PRMT8: variants seen among roughly 807,000 people sequenced by gnomAD.
PRMT8 encodes the protein protein arginine N-methyltransferase 8.
PRMT8 carries 7 observed loss-of-function variants against 47.1 expected under a neutral mutation model. That is an observed-to-expected ratio of 0.15 (90% CI 0.08 to 0.28). The LOEUF is 0.28. Ranked by LOEUF, PRMT8 falls within the 10% of genes least tolerant of loss-of-function variation. The pLI is 1.00. For synonymous variants in PRMT8, 188 were observed against 186.5 expected, an observed-to-expected ratio of 1.01 and a Z score of -0.07; for missense variants, 237 against 505.4, an observed-to-expected ratio of 0.47 and a Z score of 5.09.
intron 1 of PRMT8, among the ~76,000 whole-genome samples, chr12:3,383,703 T>TTGTTGTTTTAAACTTC (rs1170654679): frequency 9.8e-5 from 15 of 152,364 alleles, no homozygotes; most frequent in African/African-American, 3.6e-4. Flanking sequence ...AAATAAACTT[T>TTGTTGTTTTAAACTTC]TGTTGTTTTA....
At chr12:3,449,194 A>G (rs1322693994) in intron 1 of PRMT8, among the ~76,000 whole-genome samples, 1 of 152,222 alleles carries the variant, frequency 6.6e-6, no homozygotes, top group Non-Finnish European at 1.5e-5. Flanking sequence ...GCTGCAGTGA[A>G]TATACGTGTG....
At chr12:3,475,567 G>A (rs774384281) in intron 1 of PRMT8, among the ~76,000 whole-genome samples, 3 of 152,182 alleles carry the variant, frequency 2.0e-5, no homozygotes, top group Admixed American at 1.3e-4. Context: ...CCCTCTGTCC[G>A]CAGCGTCCTT....
rs980443796 is a variant in PRMT8, at chr12:3,409,752, T to C, written c.48+28310T>C. On this transcript the variant is annotated intron_variant, in intron 1 of 9. Coordinates refer to the PRMT8 transcript ENST00000452611. The surrounding 1 kb of genome is among the most constrained non-coding windows in gnomAD (Gnocchi z 4.4). ...TCCAAGGCATTTATTTCCTGGGAGG[T>C]TGGGAGCCACTTCAGCTCAGGTGCT... Among the ~76,000 whole-genome samples the C allele has an allele frequency of 6.6e-6, 1 of 152,046 alleles. No individual in the cohort carries two copies. The highest frequency in any genetic ancestry group is 1.5e-5 in the Non-Finnish European group (1 of 67,994).
intron 4 of PRMT8, 45 bp from the exon 5 acceptor site, chr12:3,568,661 G>A (rs965752110): frequency 5.1e-5 from 83 of 1,612,030 alleles, no homozygotes; most frequent in Non-Finnish European, 6.3e-5. Context: ...GTGGTTCCTG[G>A]GTGGGGTCCC....
At chr12:3,481,459 C>CT (rs1865273229) in intron 1 of PRMT8, among the ~76,000 whole-genome samples, 1 of 152,154 alleles carries the variant, frequency 6.6e-6, no homozygotes, top group African/African-American at 2.4e-5. Context: ...TGAAAGGGCG[C>CT]TTCTCCAGGA....
At position 3,535,182 on chromosome 12, in the gene PRMT8, C is replaced by A. The variant is rs2045935527; in HGVS notation, c.76-5424C>A. On this transcript the variant is annotated intron_variant, in intron 1 of 9. Coordinates refer to ENST00000382622, the MANE Select transcript of PRMT8 (RefSeq NM_019854.5). This position sits in a 1 kb window ranked among gnomAD's most constrained non-coding sequence, Gnocchi z 4.7. ...GGACGAGCTCACAAGCTCACATGCCCCTTCTTCAGGAAGCCAGCTTCCTCC... is the reference window on the plus strand; with the variant it reads ...GGACGAGCTCACAAGCTCACATGCCACTTCTTCAGGAAGCCAGCTTCCTCC... Among the ~76,000 whole-genome samples, 1 of 152,218 alleles carries A rather than the reference C, an allele frequency of 6.6e-6. No homozygotes were observed. The highest frequency in any genetic ancestry group is 2.4e-5 in the African/African-American group (1 of 41,452).
intron 4 of PRMT8, among the ~76,000 whole-genome samples, chr12:3,567,119 C>T (rs1252527978): frequency 6.6e-6 from 1 of 152,228 alleles, no homozygotes; most frequent in Non-Finnish European, 1.5e-5. Flanking sequence ...ATCTGCTTCC[C>T]CTCTCCATCT....
chr12:3,544,799 G>A (rs1866299994), intron 2 of PRMT8, among the ~76,000 whole-genome samples: 1 of 152,170 alleles, frequency 6.6e-6, no homozygotes, highest in East Asian at 1.9e-4. Context: ...AAGTGGTTAG[G>A]CAGGATGTCT....
intron 4 of PRMT8, among the ~76,000 whole-genome samples, chr12:3,560,349 G>A (rs1219488788): frequency 6.6e-6 from 1 of 152,156 alleles, no homozygotes; most frequent in East Asian, 1.9e-4. Context: ...CTCCACCTCC[G>A]TACAGCTCCC....
At chr12:3,411,342 T>C (rs1340051323) in intron 1 of PRMT8, among the ~76,000 whole-genome samples, 3 of 152,222 alleles carry the variant, frequency 2.0e-5, no homozygotes, top group East Asian at 1.9e-4. Flanking sequence ...CTCTTTCAGA[T>C]TGTAGCACTA....
intron 1 of PRMT8, among the ~76,000 whole-genome samples, chr12:3,466,717 A>C (rs1423231826): frequency 3.3e-5 from 5 of 152,208 alleles, no homozygotes; most frequent in Admixed American, 2.0e-4. Flanking sequence ...CAGTTTTATC[A>C]ATCTGTCAAA....
At chr12:3,539,751 T>C (rs1344060792) in intron 1 of PRMT8, among the ~76,000 whole-genome samples, 3 of 152,150 alleles carry the variant, frequency 2.0e-5, no homozygotes, top group Non-Finnish European at 4.4e-5. Context: ...GCAGTGGGTG[T>C]AGAGCTGGGC....
Position 3,572,651 on chromosome 12 carries a change from C to T in PRMT8, c.712+3087C>T, listed in dbSNP as rs573254057. 6.6e-6 allele frequency among the ~76,000 whole-genome samples: 1 copy of T among 152,222 alleles called. No homozygotes were observed. Among genetic ancestry groups the T allele is most frequent in the South Asian group, 2.1e-4 (1 of 4,824 alleles). ...TTCCAGCCCATTTTATGCAAGGATT[C>T]CACTTTCTTCATGAGAGCCTAAAAT... On this transcript the variant is annotated intron_variant, in intron 6 of 9. Transcript: ENST00000382622. This position sits in a 1 kb window ranked among gnomAD's most constrained non-coding sequence, Gnocchi z 5.9.
At chr12:3,540,938 C>T (rs893411141) in intron 2 of PRMT8, 147 bp downstream of exon 2, 30 of 1,000,272 alleles carry the variant, frequency 3.0e-5, no homozygotes, top group Admixed American at 1.9e-4. Context: ...TTCTCCAATC[C>T]GGGGGGCCCC....
upstream of PRMT8, among the ~76,000 whole-genome samples, chr12:3,490,647 G>C (rs1237641748): frequency 6.8e-6 from 1 of 146,300 alleles, no homozygotes; most frequent in East Asian, 2.0e-4. Context: ...CCTGAAAGGG[G>C]CTTGGAGTCC....
intron 7 of PRMT8, among the ~76,000 whole-genome samples, chr12:3,581,188 A>G (rs2137226042): frequency 6.6e-6 from 1 of 152,352 alleles, no homozygotes; most frequent in South Asian, 2.1e-4. Flanking sequence ...TGCAAGTGGC[A>G]GGACCCACCC....
rs34493489 is a variant in PRMT8, at chr12:3,577,074, GC to G, written c.828+93del. The G allele has an allele frequency of 4.5e-6, 5 of 1,114,988 alleles. No individual in the cohort carries two copies. In the East Asian group the frequency reaches 7.1e-5, roughly 16 times the overall value. 69.1% of individuals were successfully genotyped at this position (1,114,988 alleles called of 1,614,324 possible). A position where few individuals can be genotyped will look rare whatever the true frequency, so the allele number is the denominator to read the frequency against. On this transcript the variant is annotated intron_variant, in intron 7 of 9. Coordinates refer to ENST00000382622, the MANE Select transcript of PRMT8 (RefSeq NM_019854.5). ...TCCAGGCAATGCCGGCTCCTGCACAGCCCCCACCTGGTGAGGCAAGGCTGCC... is the reference window on the plus strand; with the variant it reads ...TCCAGGCAATGCCGGCTCCTGCACAGCCCCACCTGGTGAGGCAAGGCTGCC...
intron 8 of PRMT8, among the ~76,000 whole-genome samples, chr12:3,586,207 A>G (rs1867169505): frequency 6.6e-6 from 1 of 152,042 alleles, no homozygotes; most frequent in African/African-American, 2.4e-5. Flanking sequence ...GGTGTTAGGG[A>G]TGACATTCTT....
At chr12:3,562,313 A>G (rs979991664) in intron 4 of PRMT8, among the ~76,000 whole-genome samples, 1 of 152,138 alleles carries the variant, frequency 6.6e-6, no homozygotes, top group African/African-American at 2.4e-5. Context: ...ATAATCTTCA[A>G]AGTGAGTTTC....
Sources: gnomAD v4.1 joint callset for allele counts (sites outside exome capture counted in the v4.1 genomes callset) on GRCh38, gnomAD v4.1.1 for gene constraint, Gnocchi (gnomAD v3.1) non-coding constraint, MANE v1.5 for transcripts, NCBI Gene and HGNC (gene_info 2026-07-23, HGNC 2026-07-21) for gene names.